The following NOX4 variants were observed in gnomAD, a reference collection of about 807,000 sequenced individuals.
NOX4 encodes kidney oxidase-1.
A neutral mutation model predicts 87.6 loss-of-function variants in NOX4; 69 were observed. That is an observed-to-expected ratio of 0.79 (90% CI 0.65 to 0.96). NOX4 has a LOEUF of 0.96. Ranked by LOEUF, NOX4 falls within the 40% of genes least tolerant of loss-of-function variation. NOX4 has a pLI of 0.00. For synonymous variants in NOX4, 275 were observed against 238.2 expected (o/e 1.15, Z -1.42); for missense variants, 680 against 681.5 (o/e 1.00, Z 0.02).
chr11:89,478,371 AAAT>A, intron 2 of NOX4, among the ~76,000 whole-genome samples: 1 of 152,348 alleles, frequency 6.6e-6, no homozygotes, highest in South Asian at 2.1e-4. Flanking sequence ...AAATTTTAAT[AAAT>A]CATTTACAGG....
Position 89,449,616 on chromosome 11 carries a change from A to T in NOX4, c.265-92T>A, listed in dbSNP as rs985360856. 5 of 955,178 alleles carry T rather than the reference A, an allele frequency of 5.2e-6. No homozygotes were observed. In the Admixed American group the frequency reaches 1.2e-4, roughly 23 times the overall value. The allele number at this position is 955,178 out of a possible 1,614,324, so 59.2% of individuals were successfully genotyped here. A position where few individuals can be genotyped will look rare whatever the true frequency, so the allele number is the denominator to read the frequency against. On this transcript the variant is annotated intron_variant, in intron 3 of 17. Transcript: ENST00000263317. ...CATTGTTCATTATGTCAAAATTTTT[A>T]AAATATGGCGGAAGCCTATTAATCA... is the stretch of plus-strand genomic sequence containing the variant.
At chr11:89,373,774 C>T (rs772576849) in intron 11 of NOX4, among the ~76,000 whole-genome samples, 1 of 151,994 alleles carries the variant, frequency 6.6e-6, no homozygotes, top group Non-Finnish European at 1.5e-5. Context: ...ACAAATCTTG[C>T]TAAAACATCT....
rs1565162864 is a variant in NOX4 at position 89,327,976 on chromosome 11, A to C, written c.1617-1100T>G. Reference sequence around the variant, plus strand: ...GAACTATGATCCCTGAGAAAAGGGAAGAAAACAAGCTAAGCACCGTCACTC... The same window carrying C: ...GAACTATGATCCCTGAGAAAAGGGACGAAAACAAGCTAAGCACCGTCACTC... On this transcript the variant is annotated intron_variant, in intron 17 of 17. Transcript: ENST00000263317. 2.0e-5 allele frequency among the ~76,000 whole-genome samples: 3 copies of C among 152,340 alleles called. No homozygotes were observed. In the East Asian group the frequency reaches 5.8e-4, roughly 29 times the overall value.
the NOX4 span, among the ~76,000 whole-genome samples, chr11:89,513,156 A>T: frequency 6.6e-6 from 1 of 151,968 alleles, no homozygotes; most frequent in African/African-American, 2.4e-5. Flanking sequence ...CCTCATCCCT[A>T]CTAAAAATAC....
upstream of NOX4, among the ~76,000 whole-genome samples, chr11:89,492,871 T>C (rs1946893959): frequency 6.6e-6 from 1 of 152,052 alleles, no homozygotes; most frequent in Non-Finnish European, 1.5e-5. Context: ...TTGAGAAGCG[T>C]GAAACAATTC....
chr11:89,470,821 C>T (rs548848977), intron 2 of NOX4, among the ~76,000 whole-genome samples: 118 of 152,136 alleles, frequency 7.8e-4, no homozygotes, highest in African/African-American at 2.8e-3. Flanking sequence ...ATATTATATG[C>T]CTCAGTTTAG....
chr11:89,495,166 G>A (rs1263376560), upstream of NOX4, among the ~76,000 whole-genome samples: 5 of 152,216 alleles, frequency 3.3e-5, no homozygotes, highest in Admixed American at 6.5e-5. Context: ...TTGTAGAGAC[G>A]AGATTTTGCC....
intron 8 of NOX4, among the ~76,000 whole-genome samples, chr11:89,411,987 C>T (rs1467435019): frequency 6.6e-6 from 1 of 151,762 alleles, no homozygotes; most frequent in African/African-American, 2.4e-5. Flanking sequence ...ATATTCCATG[C>T]CAATGGAAAC....
chr11:89,561,017 T>TATATATATAC, the NOX4 span, among the ~76,000 whole-genome samples: 2 of 109,912 alleles, frequency 1.8e-5, no homozygotes, highest in Admixed American at 2.0e-4. Flanking sequence ...TATATATATA[T>TATATATATAC]ATACATACAC....
chr11:89,566,198 A>G, the NOX4 span, among the ~76,000 whole-genome samples: 1 of 151,820 alleles, frequency 6.6e-6, no homozygotes, highest in African/African-American at 2.4e-5. Context: ...GCCAGCCACA[A>G]CGCCCAGCTA....
intron 2 of NOX4, among the ~76,000 whole-genome samples, chr11:89,473,072 A>G (rs950769956): frequency 2.0e-5 from 3 of 152,176 alleles, no homozygotes; most frequent in Non-Finnish European, 4.4e-5. Context: ...TTAAATTCCT[A>G]TCAATATTTA....
At chr11:89,500,014 G>A (rs762247801), upstream of NOX4, among the ~76,000 whole-genome samples, 1 of 152,060 alleles carries the variant, frequency 6.6e-6, no homozygotes, top group Non-Finnish European at 1.5e-5. Flanking sequence ...CAGATGTTAT[G>A]CCTGTCATAT....
intron 9 of NOX4, 125 bp downstream of exon 9, chr11:89,402,201 T>C: frequency 2.7e-6 from 2 of 732,502 alleles, no homozygotes; most frequent in Non-Finnish European, 4.7e-6. Context: ...ACTAACTTAC[T>C]GTTGAAACAT....
At chr11:89,540,352 T>A in the NOX4 span, among the ~76,000 whole-genome samples, 2 of 152,166 alleles carry the variant, frequency 1.3e-5, no homozygotes, top group East Asian at 3.9e-4. Context: ...CTTCCATTTC[T>A]ATAAGAAATT....
intron 7 of NOX4, among the ~76,000 whole-genome samples, chr11:89,424,204 C>T (rs1048869209): frequency 2.0e-5 from 3 of 151,634 alleles, no homozygotes; most frequent in Non-Finnish European, 2.9e-5. Context: ...TTGCTGCAAT[C>T]GTAAGTGGTA....
At position 89,451,689 on chromosome 11, in the gene NOX4, G is replaced by C. The variant is rs111965723; in HGVS notation, c.264+96C>G. 1.9e-4 allele frequency: 157 copies of C among 811,092 alleles called. No homozygotes were observed. The African/African-American group carries it at 2.1e-3, about 11-fold the overall frequency. 50.2% of individuals were successfully genotyped at this position (811,092 alleles called of 1,614,324 possible). A position where few individuals can be genotyped will look rare whatever the true frequency, so the allele number is the denominator to read the frequency against. On this transcript the variant is annotated intron_variant, in intron 3 of 17. Coordinates refer to ENST00000263317, the MANE Select transcript of NOX4 (RefSeq NM_016931.5). ...CATCATCTTACAAGAAATCACTCCA[G>C]TCAAAAGTCAGACTATGAAAAGTAA...
chr11:89,447,736 CT>C (rs1440170193), intron 4 of NOX4, among the ~76,000 whole-genome samples: 1 of 152,094 alleles, frequency 6.6e-6, no homozygotes, highest in Non-Finnish European at 1.5e-5. Flanking sequence ...CACGAATATG[CT>C]GGTTTCCTGA....
At chr11:89,408,741 T>C (rs978507920) in intron 8 of NOX4, among the ~76,000 whole-genome samples, 1 of 152,176 alleles carries the variant, frequency 6.6e-6, no homozygotes, top group African/African-American at 2.4e-5. Flanking sequence ...TAACATCATG[T>C]GTTTGTAATC....
At chr11:89,513,585 T>C in the NOX4 span, among the ~76,000 whole-genome samples, 1 of 152,014 alleles carries the variant, frequency 6.6e-6, no homozygotes, top group Admixed American at 6.6e-5. Context: ...CCAGAAGAAA[T>C]GCAGATTAAA....
Sources: allele counts gnomAD v4.1 joint callset (sites outside exome capture counted in the v4.1 genomes callset), GRCh38; gene constraint gnomAD v4.1.1; transcripts MANE v1.5; gene names NCBI Gene and HGNC (gene_info 2026-07-23, HGNC 2026-07-21).